AKAP13: variants seen among roughly 807,000 people sequenced by gnomAD.
The protein encoded by AKAP13 is A-kinase anchoring protein 13.
A neutral mutation model predicts 264.5 loss-of-function variants in AKAP13; 80 were observed. The ratio of observed to expected loss-of-function variants is 0.30; its 90% CI spans 0.25 to 0.36. The LOEUF (loss-of-function observed/expected upper bound fraction) is 0.36. Ranked by LOEUF, AKAP13 falls within the 10% of genes least tolerant of loss-of-function variation. AKAP13 has a pLI of 1.00. For synonymous variants in AKAP13, 1,380 were observed against 1,250.2 expected (o/e 1.10, Z -2.19); for missense variants, 3,712 against 3,435.2 (o/e 1.08, Z -2.01).
intron 6 of AKAP13, among the ~76,000 whole-genome samples, chr15:85,578,081 G>C (rs1035340443): frequency 1.5e-4 from 23 of 152,154 alleles, no homozygotes; most frequent in African/African-American, 5.6e-4. Flanking sequence ...TCAGGTGTTG[G>C]AGAACAGCCT....
In AKAP13 at chr15:85,439,408, G is replaced by T. The variant is rs2073508867; in HGVS notation, c.-11-46302G>T. 3.9e-5 allele frequency among the ~76,000 whole-genome samples: 6 copies of T among 152,046 alleles called. No homozygotes were observed. The South Asian group carries it at 1.0e-3, about 26-fold the overall frequency. On this transcript the variant is annotated intron_variant, in intron 1 of 36. Coordinates refer to ENST00000394518, the MANE Select transcript of AKAP13 (RefSeq NM_007200.5). ...TAGTTCAACCATTGTGGATGTCAGT[G>T]TGGCGATTCCTCAAGGATCTAGAAC...
At chr15:85,655,017 C>T (rs1319504724) in intron 10 of AKAP13, among the ~76,000 whole-genome samples, 1 of 151,986 alleles carries the variant, frequency 6.6e-6, no homozygotes, top group Non-Finnish European at 1.5e-5. Context: ...CATGGTGAAA[C>T]CCTGTCTGTA....
In AKAP13 at chr15:85,499,872, C is replaced by A. The variant is rs561881151; in HGVS notation, c.33+14119C>A. 3.0e-4 allele frequency among the ~76,000 whole-genome samples: 45 copies of A among 152,130 alleles called. 1 individual carries two copies. Among genetic ancestry groups the A allele is most frequent in the African/African-American group, 1.1e-3 (44 of 41,490 alleles). On this transcript the variant is annotated intron_variant, in intron 2 of 36. Transcript: ENST00000394518. Reference sequence around the variant, plus strand: ...GCATGCCTTTTCCGTTTATTATGTTCCTTGAGGGTAGGGGCTTTGTATTTG... The same window carrying A: ...GCATGCCTTTTCCGTTTATTATGTTACTTGAGGGTAGGGGCTTTGTATTTG...
intron 5 of AKAP13, among the ~76,000 whole-genome samples, chr15:85,564,270 C>T (rs958594888): frequency 2.6e-5 from 4 of 152,096 alleles, no homozygotes; most frequent in East Asian, 3.8e-4. Context: ...ATGCAAGAAA[C>T]GTGCAATGAA....
At chr15:85,484,583 A>G (rs755072964) in intron 1 of AKAP13, among the ~76,000 whole-genome samples, 2 of 152,226 alleles carry the variant, frequency 1.3e-5, no homozygotes, top group Non-Finnish European at 2.9e-5. Flanking sequence ...AGATGATTGC[A>G]TTTAGGAGGC....
chr15:85,738,762 C>T (rs1042153469), intron 33 of AKAP13, among the ~76,000 whole-genome samples: 2 of 147,834 alleles, frequency 1.4e-5, no homozygotes, highest in Admixed American at 6.9e-5. Flanking sequence ...GGCGTGAACC[C>T]GGGAGGCGGA....
chr15:85,456,120 G>A (rs1470152314), intron 1 of AKAP13, among the ~76,000 whole-genome samples: 1 of 152,040 alleles, frequency 6.6e-6, no homozygotes, highest in Non-Finnish European at 1.5e-5. Context: ...GCTCTTTTTT[G>A]TAGTCCATGG....
chr15:85,568,127 C>T (rs1470151936), intron 5 of AKAP13, among the ~76,000 whole-genome samples: 3 of 151,822 alleles, frequency 2.0e-5, no homozygotes, highest in African/African-American at 7.3e-5. Context: ...ATGACAAAAC[C>T]GTGTCTCTAG....
chr15:85,629,551 G>A (rs2081590301), intron 8 of AKAP13, among the ~76,000 whole-genome samples: 1 of 151,928 alleles, frequency 6.6e-6, no homozygotes, highest in Admixed American at 6.6e-5. Flanking sequence ...TTTGTTCTCT[G>A]GAAGCTTATG....
chr15:85,665,026 C>T (rs1344356260), intron 13 of AKAP13, among the ~76,000 whole-genome samples: 2 of 151,856 alleles, frequency 1.3e-5, no homozygotes, highest in East Asian at 1.9e-4. Context: ...CATAGCAAGA[C>T]CCCCCATCTC....
At chr15:85,541,895 C>G (rs1043664645) in intron 4 of AKAP13, among the ~76,000 whole-genome samples, 3 of 152,202 alleles carry the variant, frequency 2.0e-5, no homozygotes, top group Admixed American at 1.3e-4. Flanking sequence ...GTGCAGAAGT[C>G]AGGGCATCAG....
At chr15:85,444,084 C>G (rs185090101) in intron 1 of AKAP13, among the ~76,000 whole-genome samples, 1 of 152,054 alleles carries the variant, frequency 6.6e-6, no homozygotes, top group Non-Finnish European at 1.5e-5. Context: ...ATAATGAGTA[C>G]AAAGGGAGGT....
intron 1 of AKAP13, among the ~76,000 whole-genome samples, chr15:85,447,380 AT>A (rs1008354945): frequency 6.6e-6 from 1 of 151,566 alleles, no homozygotes; most frequent in African/African-American, 2.4e-5. Context: ...TTAAAAAAAA[AT>A]TTTATTTTAG....
At chr15:85,739,763 A>G (rs1209620749) in intron 33 of AKAP13, among the ~76,000 whole-genome samples, 1 of 151,954 alleles carries the variant, frequency 6.6e-6, no homozygotes, top group Non-Finnish European at 1.5e-5. Context: ...ATTTTCAGAT[A>G]TTTGAACCTT....
chr15:85,632,353 G>A (rs1426645256), intron 8 of AKAP13, among the ~76,000 whole-genome samples: 1 of 152,164 alleles, frequency 6.6e-6, no homozygotes, highest in Non-Finnish European at 1.5e-5. Flanking sequence ...TTATACAGTG[G>A]ACAGTAAGCC....
chr15:85,546,582 A>G (rs2077753862), intron 5 of AKAP13, among the ~76,000 whole-genome samples: 1 of 152,180 alleles, frequency 6.6e-6, no homozygotes, highest in South Asian at 2.1e-4. Context: ...TGGGATTCTT[A>G]AAAAGTGGCC....
At chr15:85,560,355 C>T (rs984512753) in intron 5 of AKAP13, among the ~76,000 whole-genome samples, 7 of 151,910 alleles carry the variant, frequency 4.6e-5, no homozygotes, top group Non-Finnish European at 1.0e-4. Context: ...CTGTTTTGCC[C>T]AGCCTGGTCT....
chr15:85,470,871 C>G (rs2074935850), intron 1 of AKAP13, among the ~76,000 whole-genome samples: 1 of 152,214 alleles, frequency 6.6e-6, no homozygotes, highest in South Asian at 2.1e-4. Context: ...TATGCTTTCT[C>G]TGAGCTATAA....
intron 8 of AKAP13, chr15:85,619,678 GTT>G: frequency 1.0e-6 from 1 of 989,748 alleles, no homozygotes; most frequent in Non-Finnish European, 1.2e-6. Flanking sequence ...GCCTTCTTGG[GTT>G]TTTTTCCCTA....
Sources: allele counts gnomAD v4.1 joint callset (sites outside exome capture counted in the v4.1 genomes callset), GRCh38; gene constraint gnomAD v4.1.1; transcripts MANE v1.5; gene names NCBI Gene and HGNC (gene_info 2026-07-23, HGNC 2026-07-21).